KCNN1: variants seen among roughly 807,000 people sequenced by gnomAD.
KCNN1 encodes potassium calcium-activated channel subfamily N member 1.
A neutral mutation model predicts 44.7 loss-of-function variants in KCNN1; 20 were observed. The observed-to-expected ratio is 0.45, with a 90% CI of 0.32 to 0.65. The LOEUF (loss-of-function observed/expected upper bound fraction) is 0.65, where lower values mean the gene tolerates loss of function less well. Among genes scored for constraint, KCNN1 ranks in the 30% least tolerant of loss-of-function variants. The probability of loss-of-function intolerance (pLI) is 0.05; values close to 1 mark genes in which losing one functional copy is unlikely to be tolerated. For missense variants in KCNN1, 632 were observed against 785.3 expected (o/e 0.80, Z 2.33); for synonymous variants, 324 against 341.7 (o/e 0.95, Z 0.57).
chr19:17,981,552 C>CAAA (rs71164338), intron 3 of KCNN1, among the ~76,000 whole-genome samples, 157 bp from the exon 4 acceptor site: 1 of 90,032 alleles, frequency 1.1e-5, no homozygotes, highest in South Asian at 3.4e-4. Flanking sequence ...AACTCCATCT[C>CAAA]AAAAAAAAAA....
chr19:17,978,762 A>C (rs2032295923), intron 3 of KCNN1, among the ~76,000 whole-genome samples: 1 of 149,558 alleles, frequency 6.7e-6, no homozygotes, highest in African/African-American at 2.5e-5. Flanking sequence ...TTTTTTTTTA[A>C]CTGTAATTCA....
Position 17,998,534 on chromosome 19 carries a change from C to T in KCNN1, c.*128C>T, listed in dbSNP as rs948087629. ...CTGAGTCAGGCTGAGTGGACTGAGG[C>T]CTGCCCCGCCCAGACTGCCCAGGCA... On this transcript the variant is annotated 3_prime_UTR_variant, in exon 10 of 10. Transcript: ENST00000684775. The surrounding 1 kb of genome is among the most constrained non-coding windows in gnomAD (Gnocchi z 5.4). 1.4e-5 allele frequency: 14 copies of T among 994,756 alleles called. No individual in the cohort carries two copies. The African/African-American group carries it at 2.3e-4, about 16-fold the overall frequency. The allele number at this position is 994,756 out of a possible 1,614,324, so 61.6% of individuals were successfully genotyped here.
At position 17,999,918 on chromosome 19, in the gene KCNN1, ACT is replaced by A. The variant is rs2033127731; in HGVS notation, c.*1515_*1516del. Reference sequence around the variant, plus strand: ...TGGTCAGACCCGGGTTCGAGTCCTGACTCTGCCACTGCTGGGTGACTCTGAGC... The same window carrying A: ...TGGTCAGACCCGGGTTCGAGTCCTGACTGCCACTGCTGGGTGACTCTGAGC... On this transcript the variant is annotated 3_prime_UTR_variant, in exon 10 of 10. Transcript: ENST00000684775. 2.2e-6 allele frequency: 1 copy of A among 454,508 alleles called. No individual in the cohort carries two copies. The highest frequency in any genetic ancestry group is 1.6e-5 in the South Asian group (1 of 64,450). 28.2% of individuals were successfully genotyped at this position (454,508 alleles called of 1,614,324 possible).
At position 17,998,223 on chromosome 19, in the gene KCNN1, C is replaced by G; in HGVS notation, c.1449C>G (p.Ala483=). The G allele has an allele frequency of 6.3e-7, 1 of 1,584,488 alleles. No homozygotes were observed. The change falls in exon 10 of 10, where the codon GCC becomes GCG. Residue 483 remains alanine (A), a synonymous_variant. Transcript: ENST00000684775. This position sits in a 1 kb window ranked among gnomAD's most constrained non-coding sequence, Gnocchi z 5.4. Reference sequence around the variant, plus strand: ...ACGAGGAGCTGGAGGCCCGCCTGGCCACCCTGGAAAGCCGCTTGGATGCGC... The same window carrying G: ...ACGAGGAGCTGGAGGCCCGCCTGGCGACCCTGGAAAGCCGCTTGGATGCGC... ...AQHEELEARL[A]TLESRLDALG...
intron 4 of KCNN1, among the ~76,000 whole-genome samples, chr19:17,984,206 C>G (rs983035797): frequency 6.6e-6 from 1 of 151,800 alleles, no homozygotes; most frequent in African/African-American, 2.4e-5. Flanking sequence ...CTTTACCCAG[C>G]AAGTGTCCTA....
chr19:17,974,034 G>A lies in KCNN1; in HGVS notation c.146G>A (p.Ser49Asn). The change falls in exon 2 of 10, where the codon AGT (serine) becomes AAT (asparagine). Residue 49 changes from serine to asparagine, a missense_variant. By Grantham distance (46) the Ser-to-Asn change is conservative. Transcript: ENST00000684775. The surrounding 1 kb of genome is among the most constrained non-coding windows in gnomAD (Gnocchi z 7.3). ...SPGLQVVVAK[S>N]EPARPSPGSP... is the part of the protein sequence containing the mutation. ...GGCCTCCAGGTGGTAGTGGCCAAGA[G>A]TGAGCCAGCCCGGCCCTCACCCGGC... The A allele has an allele frequency of 1.9e-6, 3 of 1,607,832 alleles. No individual in the cohort carries two copies. Among genetic ancestry groups the A allele is most frequent in the Non-Finnish European group, 2.5e-6 (3 of 1,178,172 alleles).
chr19:17,972,537 A>G (rs1478706608), intron 1 of KCNN1, among the ~76,000 whole-genome samples: 2 of 152,088 alleles, frequency 1.3e-5, no homozygotes, highest in African/African-American at 2.4e-5. Flanking sequence ...GCATTGCCAC[A>G]CTGTTTGGAG....
At chr19:17,986,190 C>G (rs1331708414) in intron 5 of KCNN1, among the ~76,000 whole-genome samples, 1 of 150,172 alleles carries the variant, frequency 6.7e-6, no homozygotes, top group Non-Finnish European at 1.5e-5. Context: ...GTGGTGAGAC[C>G]CAGTCTGTAC....
At chr19:17,965,319 G>A (rs1177761319), upstream of KCNN1, among the ~76,000 whole-genome samples, 2 of 151,988 alleles carry the variant, frequency 1.3e-5, no homozygotes, top group Non-Finnish European at 2.9e-5. Context: ...TACAGCCTGT[G>A]CAAGCAGACC....
In KCNN1 at chr19:17,985,379, C is replaced by G; in HGVS notation, c.985C>G (p.Leu329Val). Residue 329 changes from leucine to valine, a missense_variant, in exon 5 of 10, where the codon CTC becomes GTC. Around this residue, in one of 3 missense-constraint regions of KCNN1, gnomAD observed 160 missense variants for 308.3 expected, o/e 0.52. Coordinates refer to ENST00000684775, the MANE Select transcript of KCNN1 (RefSeq NM_001386974.1). Reference sequence around the variant, plus strand: ...CATGTGGCTGATTTCCATCACCTTCCTCTCCATTGGCTACGGCGACATGGT... The same window carrying G: ...CATGTGGCTGATTTCCATCACCTTCGTCTCCATTGGCTACGGCGACATGGT... The part of the protein sequence containing the change: ...GAMWLISITF[L>V]SIGYGDMVPH... 6.2e-7 allele frequency: 1 copy of G among 1,611,820 alleles called. No individual in the cohort carries two copies. Among genetic ancestry groups the G allele is most frequent in the Non-Finnish European group, 8.5e-7 (1 of 1,178,504 alleles).
At chr19:17,970,612 C>T (rs2031985548) in intron 1 of KCNN1, among the ~76,000 whole-genome samples, 1 of 151,916 alleles carries the variant, frequency 6.6e-6, no homozygotes, top group African/African-American at 2.4e-5. Flanking sequence ...CCACCACGCC[C>T]AGCCAGTTTT....
chr19:17,961,416 TTAAAAACAAA>T (rs2031674439), intron 2 of KCNN1, among the ~76,000 whole-genome samples: 1 of 151,720 alleles, frequency 6.6e-6, no homozygotes, highest in Admixed American at 6.6e-5. Flanking sequence ...GTCTCTACAT[TTAAAAACAAA>T]AAGAAAAGAA....
chr19:17,957,511 G>A (rs2031575251), intron 2 of KCNN1, among the ~76,000 whole-genome samples: 1 of 152,110 alleles, frequency 6.6e-6, no homozygotes, highest in Non-Finnish European at 1.5e-5. Context: ...AGACTTGAAG[G>A]AAGAGGAGGA....
At position 17,999,623 on chromosome 19, in the gene KCNN1, T is replaced by G; in HGVS notation, c.*1217T>G. On this transcript the variant is annotated 3_prime_UTR_variant, in exon 10 of 10. Coordinates refer to ENST00000684775, the MANE Select transcript of KCNN1 (RefSeq NM_001386974.1). ...TTCAGGGGTGGGCTACAGGGGAGGGTTCCAGACACAAGTAGAATCAGAAAG... is the reference window on the plus strand; with the variant it reads ...TTCAGGGGTGGGCTACAGGGGAGGGGTCCAGACACAAGTAGAATCAGAAAG... 1 of 200,870 alleles carries G rather than the reference T, an allele frequency of 5.0e-6. No homozygotes were observed. 12.4% of individuals were successfully genotyped at this position (200,870 alleles called of 1,614,324 possible). A position where few individuals can be genotyped will look rare whatever the true frequency, so the allele number is the denominator to read the frequency against.
intron 5 of KCNN1, among the ~76,000 whole-genome samples, chr19:17,987,439 A>C (rs1466424597): frequency 6.6e-6 from 1 of 152,126 alleles, no homozygotes; most frequent in Non-Finnish European, 1.5e-5. Flanking sequence ...GCAGCCCAGC[A>C]TGGGTCCCTC....
In KCNN1 at chr19:17,985,854, G is replaced by A. The variant is rs548476707; in HGVS notation, c.1059+401G>A. 1.2e-4 allele frequency among the ~76,000 whole-genome samples: 18 copies of A among 152,300 alleles called. 1 individual carries two copies. In the South Asian group the frequency reaches 3.3e-3, roughly 28 times the overall value. ...CTTAGTTTCCTCAGCTGTGACCAGC[G>A]CTACTTCCTCTGCTTTGCAAGGGCT... On this transcript the variant is annotated intron_variant, in intron 5 of 9. Coordinates refer to ENST00000684775, the MANE Select transcript of KCNN1 (RefSeq NM_001386974.1).
At chr19:17,988,951 G>A (rs544745309) in intron 6 of KCNN1, among the ~76,000 whole-genome samples, 5 of 150,652 alleles carry the variant, frequency 3.3e-5, no homozygotes, top group Admixed American at 1.3e-4. Context: ...CTGCCACCAC[G>A]CACCCATCTG....
intron 5 of KCNN1, among the ~76,000 whole-genome samples, 177 bp from the exon 6 acceptor site, chr19:17,988,238 C>T (rs2032670921): frequency 6.6e-6 from 1 of 151,466 alleles, no homozygotes; most frequent in Non-Finnish European, 1.5e-5. Flanking sequence ...GGACATGGTT[C>T]CCTCTGACAT....
intron 2 of KCNN1, among the ~76,000 whole-genome samples, chr19:17,961,333 T>C (rs191362064): frequency 6.6e-6 from 1 of 152,122 alleles, no homozygotes; most frequent in African/African-American, 2.4e-5. Context: ...TCCCAGCACT[T>C]TGGGAGGCTG....
Sources: gnomAD v4.1 joint callset for allele counts (sites outside exome capture counted in the v4.1 genomes callset) on GRCh38, gnomAD v4.1.1 for gene constraint, gnomAD v4.1.1 regional missense constraint, Gnocchi (gnomAD v3.1) non-coding constraint, MANE v1.5 for transcripts, NCBI Gene and HGNC (gene_info 2026-07-23, HGNC 2026-07-21) for gene names.